BTBD8: variants seen among roughly 807,000 people sequenced by gnomAD.
BTBD8 encodes the protein BTB domain containing 8.
Under a neutral mutation model 162.9 loss-of-function variants are expected in BTBD8, and 110 were observed. The observed-to-expected ratio is 0.68, with a 90% CI of 0.58 to 0.79. The LOEUF (loss-of-function observed/expected upper bound fraction) is 0.79. BTBD8 is among the 30% of genes least tolerant of loss of function. The probability of loss-of-function intolerance (pLI) is 0.00; values close to 1 mark genes in which losing one functional copy is unlikely to be tolerated. For missense variants in BTBD8, 1,905 were observed against 2,085.4 expected, an observed-to-expected ratio of 0.91 and a Z score of 1.68; for synonymous variants, 667 against 716.1, an observed-to-expected ratio of 0.93 and a Z score of 1.10.
intron 4 of BTBD8, among the ~76,000 whole-genome samples, chr1:92,116,942 G>A (rs1181428052): frequency 6.6e-6 from 1 of 150,710 alleles, no homozygotes; most frequent in African/African-American, 2.5e-5. Context: ...TTGAACTGCT[G>A]GGCTCAAGTG....
At chr1:92,103,865 A>G (rs1262394016) in intron 3 of BTBD8, among the ~76,000 whole-genome samples, 5 of 152,224 alleles carry the variant, frequency 3.3e-5, no homozygotes, top group Non-Finnish European at 7.3e-5. Context: ...CTGCTCAGAC[A>G]GGTCAGACCA....
At chr1:92,100,657 T>C (rs529078647) in intron 2 of BTBD8, among the ~76,000 whole-genome samples, 1 of 152,260 alleles carries the variant, frequency 6.6e-6, no homozygotes, top group East Asian at 1.9e-4. Context: ...TCACCCAGGC[T>C]GGAGTACAGT....
chr1:92,149,547 A>G (rs1649998757), intron 9 of BTBD8, among the ~76,000 whole-genome samples: 1 of 152,220 alleles, frequency 6.6e-6, no homozygotes, highest in African/African-American at 2.4e-5. Flanking sequence ...ACTAGGGTCA[A>G]CTACACTTCG....
In BTBD8 at chr1:92,147,186, C is replaced by T; in HGVS notation, c.937C>T (p.Pro313Ser). 3 of 1,602,292 alleles carry T rather than the reference C, an allele frequency of 1.9e-6. No homozygotes were observed. The highest frequency in any genetic ancestry group is 2.6e-6 in the Non-Finnish European group (3 of 1,174,508). The change falls in exon 8 of 18, where the codon CCC becomes TCC. Residue 313 changes from proline to serine, a missense_variant. Around this residue, in one of 3 missense-constraint regions of BTBD8, gnomAD observed 1,374 missense variants for 1,442.7 expected, o/e 0.95. Transcript: ENST00000636805. ...DYCNFFQKPVPRTLTSILECL... is the reference protein window; with the variant it reads ...DYCNFFQKPVSRTLTSILECL... ...TGTTTTCCATCAATTTTAGCCTGTT[C>T]CCAGAACATTGACGTCTATACTAGA...
In BTBD8 at chr1:92,172,387, A is replaced by G. The variant is rs182011194; in HGVS notation, c.1635+927A>G. ...TACTACACTGTTACTGAAGTGTATT[A>G]AAGAGTACTTAAGTGTATTAAATGG... On this transcript the variant is annotated intron_variant, in intron 13 of 17. Coordinates refer to ENST00000636805, the MANE Select transcript of BTBD8 (RefSeq NM_001376131.1). Among the ~76,000 whole-genome samples, 4 of 152,338 alleles carry G rather than the reference A, an allele frequency of 2.6e-5. No homozygotes were observed. The East Asian group carries it at 7.7e-4, about 29-fold the overall frequency.
At chr1:92,108,461 T>G (rs1353830747) in intron 4 of BTBD8, among the ~76,000 whole-genome samples, 1 of 152,262 alleles carries the variant, frequency 6.6e-6, no homozygotes, top group East Asian at 1.9e-4. Flanking sequence ...GAATGCATTT[T>G]GGCTCAGATT....
intron 4 of BTBD8, among the ~76,000 whole-genome samples, chr1:92,119,508 A>G (rs1649134741): frequency 6.6e-6 from 1 of 151,602 alleles, no homozygotes; most frequent in Non-Finnish European, 1.5e-5. Context: ...CCAGTTTCAC[A>G]CGCCTGGGCT....
intron 15 of BTBD8, 129 bp from the exon 16 acceptor site, chr1:92,178,183 A>C: frequency 4.0e-6 from 3 of 741,750 alleles, no homozygotes; most frequent in Non-Finnish European, 6.5e-6. Context: ...TTATGAGCAT[A>C]TGATTTTTCT....
Position 92,181,250 on chromosome 1 carries a change from A to G in BTBD8, c.3567A>G (p.Lys1189=), listed in dbSNP as rs777112985. The G allele has an allele frequency of 1.3e-6, 2 of 1,551,614 alleles. No individual in the cohort carries two copies. Among genetic ancestry groups the G allele is most frequent in the Non-Finnish European group, 1.7e-6 (2 of 1,147,010 alleles). ...ATGAATCTGCTATGGATGAAGACAAACATGCTACAGCAGACTCAGATGTAT... is the reference window on the plus strand; with the variant it reads ...ATGAATCTGCTATGGATGAAGACAAGCATGCTACAGCAGACTCAGATGTAT... ...LSDESAMDED[K]HATADSDVSS... The change falls in exon 17 of 18, where the codon AAA becomes AAG. Residue 1189 remains lysine, a synonymous_variant. Coordinates refer to ENST00000636805, the MANE Select transcript of BTBD8 (RefSeq NM_001376131.1).
At chr1:92,130,201 G>GAATCCTATCAGATCA (rs1553123311) in intron 5 of BTBD8, among the ~76,000 whole-genome samples, 1 of 151,960 alleles carries the variant, frequency 6.6e-6, no homozygotes, top group African/African-American at 2.4e-5. Context: ...ATAAGGAAAC[G>GAATCCTATCAGATCA]AATCCTATCA....
chr1:92,164,537 TGAACTGG>T (rs2100663751), intron 9 of BTBD8, among the ~76,000 whole-genome samples: 1 of 151,960 alleles, frequency 6.6e-6, no homozygotes, highest in South Asian at 2.1e-4. Flanking sequence ...AAAAATTGCT[TGAACTGG>T]GGAGGTGGAG....
At chr1:92,089,245 C>A (rs1193796932) in intron 2 of BTBD8, among the ~76,000 whole-genome samples, 1 of 152,002 alleles carries the variant, frequency 6.6e-6, no homozygotes, top group Non-Finnish European at 1.5e-5. Flanking sequence ...ACTGGCATTT[C>A]AGGTTGTATA....
chr1:92,120,439 A>T (rs1350191496), intron 4 of BTBD8, among the ~76,000 whole-genome samples: 1 of 152,120 alleles, frequency 6.6e-6, no homozygotes, highest in Non-Finnish European at 1.5e-5. Flanking sequence ...TTTAACAGTT[A>T]ACTTTTTTTT....
At chr1:92,081,957 TA>T (rs34461802) in intron 1 of BTBD8, among the ~76,000 whole-genome samples, 17 of 149,688 alleles carry the variant, frequency 1.1e-4, no homozygotes, top group East Asian at 3.9e-4. Flanking sequence ...TTTATCAAAG[TA>T]AAAAAAAAAT....
At chr1:92,163,911 T>C (rs1284494532) in intron 9 of BTBD8, among the ~76,000 whole-genome samples, 4 of 152,130 alleles carry the variant, frequency 2.6e-5, no homozygotes, top group Non-Finnish European at 5.9e-5. Context: ...CTGTGGTTTT[T>C]AAAAAAATGC....
At chr1:92,086,866 T>G (rs971683587) in intron 1 of BTBD8, among the ~76,000 whole-genome samples, 1 of 152,310 alleles carries the variant, frequency 6.6e-6, no homozygotes, top group East Asian at 1.9e-4. Context: ...CCTCTGGAAC[T>G]GTGAACCAAT....
intron 13 of BTBD8, among the ~76,000 whole-genome samples, chr1:92,175,167 C>T (rs564410747): frequency 7.5e-4 from 114 of 151,780 alleles, no homozygotes; most frequent in South Asian, 1.5e-3. Flanking sequence ...AAAAAAAAAA[C>T]CGTTTGCATA....
intron 9 of BTBD8, among the ~76,000 whole-genome samples, chr1:92,155,434 T>C (rs519343): frequency 0.75 from 113,326 of 151,998 alleles, 43,357 homozygotes; most frequent in East Asian, 0.97. Context: ...TTTAAAATTT[T>C]TATCTGTCTA....
intron 4 of BTBD8, among the ~76,000 whole-genome samples, chr1:92,108,211 C>G (rs991318788): frequency 6.6e-6 from 1 of 152,208 alleles, no homozygotes; most frequent in African/African-American, 2.4e-5. Flanking sequence ...TGCAGGTTTT[C>G]ACACGTGCAT....
Sources: gnomAD v4.1 joint callset for allele counts (sites outside exome capture counted in the v4.1 genomes callset) on GRCh38, gnomAD v4.1.1 for gene constraint, gnomAD v4.1.1 regional missense constraint, MANE v1.5 for transcripts, NCBI Gene and HGNC (gene_info 2026-07-23, HGNC 2026-07-21) for gene names.